DSE: variants seen among roughly 807,000 people sequenced by gnomAD.
The protein encoded by DSE is dermatan-sulfate epimerase.
A neutral mutation model predicts 84.4 loss-of-function variants in DSE; 36 were observed. That is an observed-to-expected ratio of 0.43 (90% CI 0.33 to 0.56). The LOEUF (loss-of-function observed/expected upper bound fraction) is 0.56, where lower values mean the gene tolerates loss of function less well. DSE is among the 20% of genes least tolerant of loss of function. The pLI is 0.06. For missense variants in DSE, 862 were observed against 1,169.6 expected (o/e 0.74, Z 3.84); for synonymous variants, 410 against 430.1 (o/e 0.95, Z 0.58).
intron 3 of DSE, among the ~76,000 whole-genome samples, chr6:116,428,738 G>A (rs138640672): frequency 0.01 from 1,579 of 152,274 alleles, 17 homozygotes; most frequent in Non-Finnish European, 0.016. Context: ...CATGAAAAGC[G>A]TTATGGTTAA....
chr6:116,368,307 T>C (rs557861769), upstream of DSE, among the ~76,000 whole-genome samples: 13 of 152,284 alleles, frequency 8.5e-5, no homozygotes, highest in African/African-American at 3.1e-4. Context: ...TGTTCATCAG[T>C]AGCATTCAAA....
At chr6:116,310,808 T>C (rs1775651965) in intron 2 of DSE, among the ~76,000 whole-genome samples, 1 of 152,218 alleles carries the variant, frequency 6.6e-6, no homozygotes, top group Non-Finnish European at 1.5e-5. Flanking sequence ...GAGCAAGCTT[T>C]CTAAACATAA....
chr6:116,363,402 TGATA>T (rs929442876), intron 2 of DSE, among the ~76,000 whole-genome samples: 100 of 152,094 alleles, frequency 6.6e-4, no homozygotes, highest in African/African-American at 2.3e-3. Context: ...TATATATATA[TGATA>T]GATACTTAGC....
In DSE at chr6:116,426,775, G is replaced by C; in HGVS notation, c.618G>C (p.Gln206His). 1.2e-6 allele frequency: 2 copies of C among 1,614,166 alleles called. No homozygotes were observed. The highest frequency in any genetic ancestry group is 1.7e-6 in the Non-Finnish European group (2 of 1,180,026). The change falls in exon 3 of 6, where the codon CAG becomes CAC. Residue 206 changes from glutamine (Q) to histidine (H), a missense_variant. Coordinates refer to ENST00000644252, the MANE Select transcript of DSE (RefSeq NM_013352.4). ...GWGFQYLHNH[Q>H]PTNCMALLTG... is the part of the protein sequence containing the mutation. ...GATTTCAATACCTGCACAATCATCA[G>C]CCCACCAACTGTATGGCTTTGCTCA...
Position 116,255,952 on chromosome 6 carries a change from G to A in DSE, c.-576+1657G>A, listed in dbSNP as rs567281193. 4 of 152,304 alleles carry A rather than the reference G, an allele frequency of 2.6e-5. No individual in the cohort carries two copies. In the East Asian group the frequency reaches 5.8e-4, roughly 22 times the overall value. 9.4% of individuals were successfully genotyped at this position (152,304 alleles called of 1,614,324 possible). On this transcript the variant is annotated intron_variant, in intron 1 of 3. Transcript: ENST00000430252. ...CTCAAAGCATTCCCATCTCTAGCCT[G>A]TATTAGTTCTGTCACCTGAATCATT...
At chr6:116,278,398 T>C (rs1316477798) in intron 2 of DSE, 9 of 1,312,900 alleles carry the variant, frequency 6.9e-6, no homozygotes, top group Non-Finnish European at 8.7e-6. Context: ...GGAAACAGGG[T>C]GCAGAAAAGT....
At chr6:116,261,903 AT>A (rs1358439739) in intron 2 of DSE, among the ~76,000 whole-genome samples, 1 of 152,088 alleles carries the variant, frequency 6.6e-6, no homozygotes, top group Non-Finnish European at 1.5e-5. Flanking sequence ...CACATCATTA[AT>A]TTGTGTTTGT....
In DSE at chr6:116,431,208, C is replaced by A. The variant is rs1275954150; in HGVS notation, c.910+15C>A. 1.2e-6 allele frequency: 2 copies of A among 1,612,704 alleles called. No individual in the cohort carries two copies. Among genetic ancestry groups the A allele is most frequent in the African/African-American group, 2.7e-5 (2 of 74,860 alleles). ...CATCCTGCCAGGTATAGTGAGGAGT[C>A]AGAAGTGTGAAAACATTAAACTATT... is the stretch of plus-strand genomic sequence containing the variant. On this transcript the variant is annotated intron_variant, in intron 4 of 5. Transcript: ENST00000644252.
intron 2 of DSE, among the ~76,000 whole-genome samples, chr6:116,274,975 T>C (rs953990135): frequency 1.3e-5 from 2 of 152,228 alleles, no homozygotes; most frequent in African/African-American, 4.8e-5. Context: ...CATTAAACAA[T>C]GGCAAAATGA....
chr6:116,356,860 GC>G, intron 2 of DSE, among the ~76,000 whole-genome samples: 1 of 152,240 alleles, frequency 6.6e-6, no homozygotes, highest in East Asian at 1.9e-4. Context: ...ACCACTCATA[GC>G]CCCTGCTGTA....
chr6:116,321,751 G>T (rs1020665698), intron 2 of DSE, among the ~76,000 whole-genome samples: 1 of 152,170 alleles, frequency 6.6e-6, no homozygotes, highest in South Asian at 2.1e-4. Flanking sequence ...TCCAGCCCGG[G>T]TGGACAGTGT....
intron 2 of DSE, among the ~76,000 whole-genome samples, chr6:116,401,844 T>C (rs1256677385): frequency 6.6e-6 from 1 of 151,950 alleles, no homozygotes; most frequent in African/African-American, 2.4e-5. Flanking sequence ...ATAATTCACC[T>C]ATATTTGATT....
At chr6:116,343,895 A>G (rs1446562448) in intron 2 of DSE, among the ~76,000 whole-genome samples, 1 of 152,220 alleles carries the variant, frequency 6.6e-6, no homozygotes, top group Non-Finnish European at 1.5e-5. Context: ...TTGAAAAAAG[A>G]TTAGATGAGT....
At chr6:116,294,445 G>C (rs11965787) in intron 2 of DSE, among the ~76,000 whole-genome samples, 32,637 of 152,196 alleles carry the variant, frequency 0.21, 3,727 homozygotes, top group East Asian at 0.29. Flanking sequence ...TTGTAAAATA[G>C]AAATGCTCCT....
intron 2 of DSE, among the ~76,000 whole-genome samples, chr6:116,348,587 A>C (rs1655914086): frequency 6.6e-6 from 1 of 152,212 alleles, no homozygotes; most frequent in Admixed American, 6.5e-5. Flanking sequence ...AGGATCTAGA[A>C]CTAGAAATAC....
intron 1 of DSE, among the ~76,000 whole-genome samples, chr6:116,396,587 G>C (rs1456744455): frequency 6.6e-6 from 1 of 152,210 alleles, no homozygotes; most frequent in Non-Finnish European, 1.5e-5. Context: ...GTAATAGCTA[G>C]AGAACCTTCA....
chr6:116,390,720 A>T (rs1780848721), intron 1 of DSE, among the ~76,000 whole-genome samples: 1 of 152,348 alleles, frequency 6.6e-6, no homozygotes, highest in African/African-American at 2.4e-5. Context: ...GAATTTATTT[A>T]TAGCTTATCT....
intron 1 of DSE, among the ~76,000 whole-genome samples, chr6:116,398,441 C>T (rs1474426523): frequency 6.6e-6 from 1 of 152,158 alleles, no homozygotes; most frequent in Non-Finnish European, 1.5e-5. Flanking sequence ...ACAGTAGTTT[C>T]AGATAATAAG....
intron 2 of DSE, among the ~76,000 whole-genome samples, chr6:116,407,791 C>T (rs66703149): frequency 0.084 from 12,863 of 152,274 alleles, 563 homozygotes; most frequent in Admixed American, 0.1. Context: ...TCTATTTTCA[C>T]CCATCCAGAG....
Sources: gnomAD v4.1 joint callset for allele counts (sites outside exome capture counted in the v4.1 genomes callset) on GRCh38, gnomAD v4.1.1 for gene constraint, MANE v1.5 for transcripts, NCBI Gene and HGNC (gene_info 2026-07-23, HGNC 2026-07-21) for gene names.